The following RBBP8 variants were observed in gnomAD, a reference collection of about 807,000 sequenced individuals.
RBBP8 encodes RB binding protein 8, endonuclease, also known as DNA endonuclease RBBP8.
RBBP8 carries 88 observed loss-of-function variants against 108.3 expected under a neutral mutation model. The observed-to-expected ratio is 0.81, with a 90% CI of 0.68 to 0.97. The LOEUF is 0.97. RBBP8 is among the 50% of genes least tolerant of loss of function. The probability of loss-of-function intolerance (pLI) is 0.00; values close to 1 mark genes in which losing one functional copy is unlikely to be tolerated. For missense variants in RBBP8, 1,023 were observed against 1,049.0 expected (o/e 0.98, Z 0.34); for synonymous variants, 332 against 348.2 (o/e 0.95, Z 0.52).
chr18:22,956,305 A>AT (rs539047708), intron 4 of RBBP8, among the ~76,000 whole-genome samples: 85 of 151,226 alleles, frequency 5.6e-4, no homozygotes, highest in African/African-American at 1.9e-3. Context: ...TATTTTGTTA[A>AT]TTTTTTTTTC....
intron 10 of RBBP8, among the ~76,000 whole-genome samples, chr18:22,991,853 T>C (rs1915723927): frequency 1.3e-5 from 2 of 152,358 alleles, no homozygotes; most frequent in South Asian, 4.1e-4. Flanking sequence ...AGTTTTTAGA[T>C]ATATAGATAT....
intron 16 of RBBP8, among the ~76,000 whole-genome samples, chr18:23,012,148 T>C (rs2046175078): frequency 7.4e-6 from 1 of 135,824 alleles, no homozygotes; most frequent in African/African-American, 2.8e-5. Context: ...AGGTCGAGAC[T>C]AGTGAGCTGT....
intron 18 of RBBP8, among the ~76,000 whole-genome samples, 176 bp downstream of exon 18, chr18:23,022,446 C>CA (rs1162419434): frequency 4.0e-5 from 6 of 151,122 alleles, no homozygotes; most frequent in African/African-American, 7.3e-5. Context: ...ACTAAAAATA[C>CA]AAAAAATTAG....
chr18:22,981,332 G>C (rs71360504), intron 6 of RBBP8, among the ~76,000 whole-genome samples: 1 of 152,120 alleles, frequency 6.6e-6, no homozygotes, highest in Non-Finnish European at 1.5e-5. Context: ...AGGGGGCCTA[G>C]ATAAAAGCAG....
chr18:22,955,643 T>C (rs1912460280), intron 4 of RBBP8, among the ~76,000 whole-genome samples: 1 of 151,374 alleles, frequency 6.6e-6, no homozygotes, highest in Non-Finnish European at 1.5e-5. Context: ...AGTGGCGCGA[T>C]CTCTGCTCAC....
At chr18:23,023,954 A>G (rs1598758210) in intron 18 of RBBP8, among the ~76,000 whole-genome samples, 2 of 136,292 alleles carry the variant, frequency 1.5e-5, no homozygotes, top group South Asian at 4.9e-4. Flanking sequence ...GCTCACTGCA[A>G]CCTCCACCTC....
At chr18:22,982,047 A>G (rs1212444015) in intron 6 of RBBP8, among the ~76,000 whole-genome samples, 171 bp from the exon 7 acceptor site, 1 of 152,194 alleles carries the variant, frequency 6.6e-6, no homozygotes, top group African/African-American at 2.4e-5. Context: ...AGTATTTCCC[A>G]CTGGGTACTG....
At chr18:22,918,001 A>G (rs547067028) in intron 3 of RBBP8, among the ~76,000 whole-genome samples, 1,746 of 151,660 alleles carry the variant, frequency 0.012, 39 homozygotes, top group African/African-American at 0.04. Flanking sequence ...CCGTCTCAAA[A>G]AAAAAAAAAA....
intron 4 of RBBP8, chr18:22,949,998 T>G (rs1911902594): frequency 7.5e-6 from 2 of 268,080 alleles, no homozygotes; most frequent in African/African-American, 2.2e-5. Flanking sequence ...TAATTCCAGT[T>G]TTACTTCTAA....
At chr18:23,010,102 T>C (rs1213334202) in intron 16 of RBBP8, among the ~76,000 whole-genome samples, 1 of 152,164 alleles carries the variant, frequency 6.6e-6, no homozygotes, top group Non-Finnish European at 1.5e-5. Flanking sequence ...TCACTCAAGT[T>C]GTATATAGCG....
intron 18 of RBBP8, among the ~76,000 whole-genome samples, chr18:23,022,663 T>TAAATAAAATAAAATAAAAAAAATAA (rs1555650173): frequency 1.0e-5 from 1 of 99,744 alleles, no homozygotes; most frequent in East Asian, 2.6e-4. Context: ...TAAAATAAAA[T>TAAATAAAATAAAATAAAAAAAATAA]AAAATAAATA....
chr18:22,927,902 TA>T (rs1189776313), intron 3 of RBBP8, among the ~76,000 whole-genome samples: 285 of 112,542 alleles, frequency 2.5e-3, no homozygotes, highest in African/African-American at 2.9e-3. Flanking sequence ...CTCAAAAAAT[TA>T]AAAAAAAAAA....
intron 2 of RBBP8, among the ~76,000 whole-genome samples, chr18:22,943,254 A>G (rs1911255180): frequency 2.0e-5 from 3 of 152,070 alleles, no homozygotes; most frequent in African/African-American, 7.2e-5. Flanking sequence ...TGGACAACAA[A>G]GCGAGACCCT....
chr18:22,961,248 C>T (rs1457832245), intron 4 of RBBP8, among the ~76,000 whole-genome samples: 1 of 152,166 alleles, frequency 6.6e-6, no homozygotes, highest in African/African-American at 2.4e-5. Flanking sequence ...CTTGTTTAAC[C>T]CTTCTCTTAG....
chr18:22,975,872 C>T (rs1339315411), intron 6 of RBBP8, among the ~76,000 whole-genome samples: 1 of 152,000 alleles, frequency 6.6e-6, no homozygotes, highest in Non-Finnish European at 1.5e-5. Flanking sequence ...CTTTTCTTTC[C>T]ATTATCCAAC....
intron 13 of RBBP8, 120 bp downstream of exon 13, chr18:22,996,582 T>C (rs1455922444): frequency 2.7e-6 from 4 of 1,475,412 alleles, no homozygotes; most frequent in Non-Finnish European, 3.6e-6. Context: ...AAAACCTACA[T>C]GTATTTATGC....
At chr18:23,012,712 G>A (rs2046190120) in intron 16 of RBBP8, among the ~76,000 whole-genome samples, 1 of 152,208 alleles carries the variant, frequency 6.6e-6, no homozygotes, top group Admixed American at 6.5e-5. Flanking sequence ...AGCAGCAAAT[G>A]ATCTAGAATA....
chr18:22,981,475 G>A (rs889556778), intron 6 of RBBP8, among the ~76,000 whole-genome samples: 1 of 152,098 alleles, frequency 6.6e-6, no homozygotes, highest in African/African-American at 2.4e-5. Flanking sequence ...AATGACTTCT[G>A]TATCTTCATT....
rs1207263104 is a variant in RBBP8, at chr18:22,949,679, G to A, written c.214G>A (p.Val72Ile). 5.0e-6 allele frequency: 8 copies of A among 1,613,436 alleles called. No individual in the cohort carries two copies. Among genetic ancestry groups the A allele is most frequent in the Non-Finnish European group, 2.5e-6 (3 of 1,179,542 alleles). ...KNQQLREQQKVLHETIKVLED... is the reference protein window; with the variant it reads ...KNQQLREQQKILHETIKVLED... ...TCAACAGCTGAGGGAACAGCAGAAAGTCCTTCATGAAACCATTAAAGTTTT... is the reference window on the plus strand; with the variant it reads ...TCAACAGCTGAGGGAACAGCAGAAAATCCTTCATGAAACCATTAAAGTTTT... The change falls in exon 4 of 19, where the codon GTC (valine) becomes ATC (isoleucine). Residue 72 changes from valine to isoleucine, a missense_variant. Physicochemically the swap from Val to Ile is conservative, Grantham distance 29 (BLOSUM62 3). Transcript: ENST00000327155.
Sources: gnomAD v4.1 joint callset for allele counts (sites outside exome capture counted in the v4.1 genomes callset) on GRCh38, gnomAD v4.1.1 for gene constraint, MANE v1.5 for transcripts, NCBI Gene and HGNC (gene_info 2026-07-23, HGNC 2026-07-21) for gene names.